PLXNA4: variants seen among roughly 807,000 people sequenced by gnomAD.
The protein encoded by PLXNA4 is plexin A4.
PLXNA4 carries 44 observed loss-of-function variants against 191.8 expected under a neutral mutation model. That is an observed-to-expected ratio of 0.23 (90% CI 0.18 to 0.29). The LOEUF is 0.29. PLXNA4 is among the 10% of genes least tolerant of loss of function. The pLI is 1.00. For synonymous variants in PLXNA4, 1,082 were observed against 1,009.5 expected, an observed-to-expected ratio of 1.07 and a Z score of -1.36; for missense variants, 1,800 against 2,488.8, an observed-to-expected ratio of 0.72 and a Z score of 5.89.
intron 28 of PLXNA4, among the ~76,000 whole-genome samples, chr7:132,146,019 G>A (rs532420126): frequency 1.6e-3 from 221 of 140,598 alleles, no homozygotes; most frequent in South Asian, 0.014. Context: ...GGAGGAGGTT[G>A]CAGTGAGCAG....
chr7:132,399,771 T>C (rs1370199784), intron 3 of PLXNA4, among the ~76,000 whole-genome samples: 1 of 152,242 alleles, frequency 6.6e-6, no homozygotes, highest in Non-Finnish European at 1.5e-5. Flanking sequence ...GAAAGTAGAC[T>C]GCTCTTAACT....
At chr7:132,614,612 C>A (rs1032691538) in intron 2 of PLXNA4, among the ~76,000 whole-genome samples, 1 of 152,220 alleles carries the variant, frequency 6.6e-6, no homozygotes, top group Non-Finnish European at 1.5e-5. Flanking sequence ...GCAAGGCTGG[C>A]AGGCACCAGA....
At chr7:132,410,967 GAA>G (rs1187085101) in intron 3 of PLXNA4, among the ~76,000 whole-genome samples, 2 of 152,162 alleles carry the variant, frequency 1.3e-5, no homozygotes, top group African/African-American at 4.8e-5. Context: ...GCATCTTTTA[GAA>G]AAAGTTCTGG....
At chr7:132,137,775 A>G (rs1374981414) in intron 30 of PLXNA4, among the ~76,000 whole-genome samples, 1 of 150,234 alleles carries the variant, frequency 6.7e-6, no homozygotes, top group Non-Finnish European at 1.5e-5. Flanking sequence ...AGATGGAAAA[A>G]TAGATGGCAG....
intron 3 of PLXNA4, among the ~76,000 whole-genome samples, chr7:132,322,184 CTTT>C (rs5887566): frequency 2.1e-4 from 26 of 122,462 alleles, no homozygotes; most frequent in Non-Finnish European, 2.6e-4. Flanking sequence ...CCTAAAAGGG[CTTT>C]TTTTTTTTTT....
At chr7:132,136,565 A>G (rs1389323965) in intron 30 of PLXNA4, among the ~76,000 whole-genome samples, 1 of 152,110 alleles carries the variant, frequency 6.6e-6, no homozygotes, top group Non-Finnish European at 1.5e-5. Context: ...AGCAGCCATA[A>G]AGATCAGCAC....
intron 3 of PLXNA4, among the ~76,000 whole-genome samples, chr7:132,406,626 C>CA (rs998648456): frequency 2.3e-4 from 34 of 149,744 alleles, no homozygotes; most frequent in South Asian, 6.3e-4. Context: ...TTTATAAAAC[C>CA]AAAAAAAAAG....
chr7:132,324,545 T>G (rs1802289524), intron 3 of PLXNA4, among the ~76,000 whole-genome samples: 1 of 152,222 alleles, frequency 6.6e-6, no homozygotes. Flanking sequence ...GAATGGCTAT[T>G]ATAAAGTGCT....
At chr7:132,536,539 T>C (rs115330969) in intron 1 of PLXNA4, among the ~76,000 whole-genome samples, 1,934 of 152,276 alleles carry the variant, frequency 0.013, 18 homozygotes, top group Middle Eastern at 0.044. Context: ...AGGGCCCCCA[T>C]GTGGCACCGC....
chr7:132,217,989 G>A (rs1798022468), intron 9 of PLXNA4, among the ~76,000 whole-genome samples: 2 of 138,258 alleles, frequency 1.4e-5, no homozygotes, highest in East Asian at 2.4e-4. Flanking sequence ...TCCCAGGAAT[G>A]CCTTCCCTGC....
intron 1 of PLXNA4, among the ~76,000 whole-genome samples, chr7:132,512,827 C>A (rs576991228): frequency 6.6e-6 from 1 of 152,112 alleles, no homozygotes; most frequent in Non-Finnish European, 1.5e-5. Flanking sequence ...TAGGAAACCC[C>A]CACCCCAATA....
intron 14 of PLXNA4, among the ~76,000 whole-genome samples, chr7:132,188,996 G>A (rs5027070): frequency 0.18 from 6,003 of 34,140 alleles, 583 homozygotes; most frequent in African/African-American, 0.3. Flanking sequence ...AAGGAAAGGA[G>A]AGAGAGAGAG....
intron 3 of PLXNA4, among the ~76,000 whole-genome samples, chr7:132,343,802 A>C (rs1412499963): frequency 2.0e-5 from 3 of 152,204 alleles, no homozygotes; most frequent in Non-Finnish European, 4.4e-5. Flanking sequence ...CTATAATCCC[A>C]GCTACTTGGG....
At chr7:132,159,776 T>A in intron 24 of PLXNA4, 144 bp from the exon 25 acceptor site, 1 of 1,386,882 alleles carries the variant, frequency 7.2e-7, no homozygotes, top group South Asian at 1.4e-5. Context: ...CTCCAGGCCA[T>A]CTGTGCTCCC....
chr7:132,179,389 TATACACATACACAGATGCGCAC>T (rs1796623197), intron 20 of PLXNA4, among the ~76,000 whole-genome samples: 1 of 129,400 alleles, frequency 7.7e-6, no homozygotes, highest in African/African-American at 3.2e-5. Context: ...ACATGAAACA[TATACACATACACAGATGCGCAC>T]GCACACAGAC....
At chr7:132,206,845 TC>T (rs1400118345) in intron 10 of PLXNA4, among the ~76,000 whole-genome samples, 1 of 152,112 alleles carries the variant, frequency 6.6e-6, no homozygotes. Context: ...CTCTCTGTAA[TC>T]AGCAGGCAGT....
intron 5 of PLXNA4, among the ~76,000 whole-genome samples, chr7:132,238,726 G>C (rs1798783136): frequency 1.3e-5 from 2 of 152,028 alleles, no homozygotes; most frequent in Admixed American, 1.3e-4. Context: ...CTGCCACTTA[G>C]ACAAAGGCTG....
chr7:132,200,644 G>A (rs1020509), intron 12 of PLXNA4, among the ~76,000 whole-genome samples: 42,885 of 152,132 alleles, frequency 0.28, 6,226 homozygotes, highest in Middle Eastern at 0.36. Flanking sequence ...GGGCTGCTTT[G>A]CTGGGTGAGG....
intron 3 of PLXNA4, among the ~76,000 whole-genome samples, chr7:132,319,760 G>T (rs952645414): frequency 6.6e-6 from 1 of 152,102 alleles, no homozygotes; most frequent in Admixed American, 6.5e-5. Flanking sequence ...CTTTTATTCC[G>T]TGTAAGTTCC....
Sources: allele counts gnomAD v4.1 joint callset (sites outside exome capture counted in the v4.1 genomes callset), GRCh38; gene constraint gnomAD v4.1.1; transcripts MANE v1.5; gene names NCBI Gene and HGNC (gene_info 2026-07-23, HGNC 2026-07-21).